The following ACYP2 variants were observed in gnomAD, a reference collection of about 807,000 sequenced individuals.
ACYP2 encodes acylphosphatase 2.
Under a neutral mutation model 11.2 loss-of-function variants are expected in ACYP2, and 12 were observed. The observed-to-expected ratio is 1.08, with a 90% CI of 0.69 to 1.74. The LOEUF is 1.74. Ranked by LOEUF, ACYP2 falls within the 40% of genes most tolerant of loss-of-function variation. The pLI, the probability that ACYP2 is intolerant of heterozygous loss-of-function variation, is 0.00. For synonymous variants in ACYP2, 43 were observed against 32.2 expected (o/e 1.33, Z -1.13); for missense variants, 134 against 101.9 (o/e 1.31, Z -1.35).
At chr2:54,253,815 G>A (rs1239134112) in intron 6 of ACYP2, 1 of 152,270 alleles carries the variant, frequency 6.6e-6, no homozygotes, top group African/African-American at 2.4e-5. Context: ...GAGGGGCTGA[G>A]AAGAAAGGAG....
At chr2:54,051,802 T>C in intron 3 of ACYP2, 1 of 395,856 alleles carries the variant, frequency 2.5e-6, no homozygotes, top group South Asian at 2.5e-5. Flanking sequence ...CCCGGCACTT[T>C]GGGAGGCCGA....
chr2:54,047,100 G>A (rs1675567651), intron 2 of ACYP2, among the ~76,000 whole-genome samples: 2 of 152,194 alleles, frequency 1.3e-5, no homozygotes, highest in South Asian at 4.1e-4. Context: ...AAGGCACTAA[G>A]GCACCAAGCA....
At chr2:54,039,819 T>TG (rs1675125815) in intron 2 of ACYP2, among the ~76,000 whole-genome samples, 16 of 126,686 alleles carry the variant, frequency 1.3e-4, no homozygotes, top group East Asian at 2.5e-4. Context: ...TTGTTTTCTT[T>TG]TGTGTGTGTG....
chr2:54,169,697 C>A, intron 6 of ACYP2, among the ~76,000 whole-genome samples: 1 of 152,030 alleles, frequency 6.6e-6, no homozygotes, highest in South Asian at 2.1e-4. Context: ...TTTTTTCCAT[C>A]GAGAAAAATA....
intron 2 of ACYP2, among the ~76,000 whole-genome samples, chr2:54,022,662 A>G (rs945794159): frequency 3.9e-5 from 6 of 152,132 alleles, no homozygotes; most frequent in Admixed American, 3.3e-4. Flanking sequence ...TTACCCGGGC[A>G]TGAGCCGCTG....
At chr2:54,172,173 G>A (rs1376693048) in intron 6 of ACYP2, among the ~76,000 whole-genome samples, 1 of 152,060 alleles carries the variant, frequency 6.6e-6, no homozygotes, top group Non-Finnish European at 1.5e-5. Context: ...AGCTATAATT[G>A]TGCCACTGCA....
intron 4 of ACYP2, among the ~76,000 whole-genome samples, chr2:54,057,899 A>T (rs1676242358): frequency 6.6e-6 from 1 of 152,176 alleles, no homozygotes; most frequent in East Asian, 1.9e-4. Flanking sequence ...TTGGTTATTA[A>T]ATGCCAAACA....
chr2:54,212,500 A>G (rs1187810032), intron 6 of ACYP2, among the ~76,000 whole-genome samples: 1 of 152,214 alleles, frequency 6.6e-6, no homozygotes, highest in African/African-American at 2.4e-5. Flanking sequence ...TGATCATCTT[A>G]GTAGTGGTCT....
At chr2:54,261,090 C>T (rs988912750) in intron 6 of ACYP2, among the ~76,000 whole-genome samples, 1 of 152,114 alleles carries the variant, frequency 6.6e-6, no homozygotes, top group African/African-American at 2.4e-5. Flanking sequence ...TGGTATTATA[C>T]ATCTCCCCAA....
chr2:54,008,400 AG>A lies in ACYP2; in HGVS notation c.62+34592del, dbSNP rs549922749. Among the ~76,000 whole-genome samples the A allele has an allele frequency of 1.2e-4, 19 of 152,336 alleles. No individual in the cohort carries two copies. The East Asian group carries it at 3.7e-3, about 29-fold the overall frequency. ...GGTTTCTCTTGTCCTGCAGGGACAG[AG>A]GTTGCCTCATGTGCACCTTATGGCC... On this transcript the variant is annotated intron_variant, in intron 2 of 6. Transcript: ENST00000607452.
At chr2:54,019,835 G>T (rs1673908255) in intron 2 of ACYP2, among the ~76,000 whole-genome samples, 1 of 151,452 alleles carries the variant, frequency 6.6e-6, no homozygotes, top group Non-Finnish European at 1.5e-5. Context: ...GATCAGGTTG[G>T]TCTCGAACTC....
In ACYP2 at chr2:54,031,959, T is replaced by C. The variant is rs558983234; in HGVS notation, c.63-18999T>C. Among the ~76,000 whole-genome samples the C allele has an allele frequency of 7.2e-5, 11 of 152,320 alleles. No individual in the cohort carries two copies. The South Asian group carries it at 1.9e-3, about 26-fold the overall frequency. On this transcript the variant is annotated intron_variant, in intron 2 of 6. Coordinates refer to ENST00000607452, the MANE Select transcript of ACYP2 (RefSeq NM_001320586.2). The stretch of plus-strand genomic sequence containing the variant: ...GTGTCTGTTCATATCCTTCGCCCAC[T>C]TTTTGATGGGGTTGTTTGATTTTTT...
chr2:54,111,168 G>A (rs1439929381), intron 4 of ACYP2, among the ~76,000 whole-genome samples: 3 of 152,168 alleles, frequency 2.0e-5, no homozygotes, highest in African/African-American at 7.2e-5. Flanking sequence ...CGGCTGTAGA[G>A]AGAACTGGCA....
intron 4 of ACYP2, among the ~76,000 whole-genome samples, chr2:54,094,910 A>C (rs1440361396): frequency 6.9e-6 from 1 of 143,910 alleles, no homozygotes; most frequent in African/African-American, 2.6e-5. Context: ...TTTTTAATTG[A>C]TCATTCTTGG....
intron 6 of ACYP2, among the ~76,000 whole-genome samples, chr2:54,269,278 C>A (rs1688175300): frequency 6.6e-6 from 1 of 152,120 alleles, no homozygotes; most frequent in Admixed American, 6.5e-5. Flanking sequence ...TAAACAATGC[C>A]TTTTACATGA....
chr2:54,023,227 G>A (rs1490454238), intron 2 of ACYP2, among the ~76,000 whole-genome samples: 1 of 152,076 alleles, frequency 6.6e-6, no homozygotes, highest in East Asian at 1.9e-4. Flanking sequence ...GTGTGTGTGG[G>A]TTGTGACCAT....
intron 4 of ACYP2, among the ~76,000 whole-genome samples, chr2:54,108,573 A>C (rs1164984154): frequency 6.6e-6 from 1 of 152,200 alleles, no homozygotes; most frequent in Non-Finnish European, 1.5e-5. Context: ...GGGGGATATT[A>C]GGAAGGGAGG....
chr2:54,187,601 G>C (rs1319758771), intron 6 of ACYP2, among the ~76,000 whole-genome samples: 1 of 152,202 alleles, frequency 6.6e-6, no homozygotes, highest in Non-Finnish European at 1.5e-5. Context: ...GGGCTGCCAT[G>C]TGCCTATGAA....
At chr2:54,185,463 A>G (rs773995786) in intron 6 of ACYP2, among the ~76,000 whole-genome samples, 16 of 152,342 alleles carry the variant, frequency 1.1e-4, no homozygotes, top group Non-Finnish European at 2.1e-4. Context: ...TTGGTTATCA[A>G]TGCCAACAAA....
Sources: allele counts gnomAD v4.1 joint callset (sites outside exome capture counted in the v4.1 genomes callset), GRCh38; gene constraint gnomAD v4.1.1; transcripts MANE v1.5; gene names NCBI Gene and HGNC (gene_info 2026-07-23, HGNC 2026-07-21).